SLX4: variants seen among roughly 807,000 people sequenced by gnomAD.
SLX4 encodes the protein SLX4 structure-specific endonuclease subunit, also known as structure-specific endonuclease subunit SLX4.
SLX4 carries 112 observed loss-of-function variants against 146.2 expected under a neutral mutation model. The ratio of observed to expected loss-of-function variants is 0.77; its 90% confidence interval spans 0.66 to 0.90. The LOEUF (loss-of-function observed/expected upper bound fraction) is 0.90. Ranked by LOEUF, SLX4 falls within the 40% of genes least tolerant of loss-of-function variation. The pLI is 0.00. For synonymous variants in SLX4, 1,061 were observed against 997.7 expected (o/e 1.06, Z -1.20); for missense variants, 2,563 against 2,392.7 (o/e 1.07, Z -1.49).
At chr16:3,584,605 C>G (rs1243413883) in intron 13 of SLX4, among the ~76,000 whole-genome samples, 164 bp downstream of exon 13, 1 of 152,184 alleles carries the variant, frequency 6.6e-6, no homozygotes, top group Non-Finnish European at 1.5e-5. Context: ...CACACATGCT[C>G]CCTAAGGAGC....
rs896917989 is a variant in SLX4 at position 3,597,662 on chromosome 16, G to A, written c.1400C>T (p.Ser467Phe). The change falls in exon 7 of 15, where the codon TCC becomes TTC. Residue 467 changes from serine to phenylalanine, a missense_variant. Physicochemically the swap from Ser to Phe is radical, Grantham distance 155. Coordinates refer to ENST00000294008, the MANE Select transcript of SLX4 (RefSeq NM_032444.4). The surrounding 1 kb of genome is among the most constrained non-coding windows in gnomAD (Gnocchi z 4.4). Reference protein sequence around the residue: ...NKSRKKKPPVSPPLLLVQDSE... With the variant: ...NKSRKKKPPVFPPLLLVQDSE... Reference sequence around the variant, plus strand: ...GTCCTGGACTAACAACAATGGGGGGGATACCGGGGGTTTCTTCTTGCGACT... The same window carrying A: ...GTCCTGGACTAACAACAATGGGGGGAATACCGGGGGTTTCTTCTTGCGACT... 3.7e-6 allele frequency: 6 copies of A among 1,613,018 alleles called. No homozygotes were observed. Among genetic ancestry groups the A allele is most frequent in the Admixed American group, 1.7e-5 (1 of 59,984 alleles).
intron 3 of SLX4, among the ~76,000 whole-genome samples, chr16:3,605,505 G>A (rs2040772368): frequency 6.6e-6 from 1 of 152,244 alleles, no homozygotes; most frequent in Admixed American, 6.5e-5. Context: ...TTATAGGCAT[G>A]AGCCATCATG....
rs200717103 is a variant in SLX4, at chr16:3,608,985, C to G, written c.-21G>C. 1.5e-4 allele frequency: 249 copies of G among 1,608,934 alleles called. No individual in the cohort carries two copies. The highest frequency in any genetic ancestry group is 2.8e-5 in the Non-Finnish European group (33 of 1,179,608). On this transcript the variant is annotated 5_prime_UTR_variant, in exon 2 of 15. Coordinates refer to ENST00000294008, the MANE Select transcript of SLX4 (RefSeq NM_032444.4). Reference sequence around the variant, plus strand: ...TTCATTAGGGTTCTTCTCTACTTCTCCATTAGATACTTGGAGAGTTTGCAC... The same window carrying G: ...TTCATTAGGGTTCTTCTCTACTTCTGCATTAGATACTTGGAGAGTTTGCAC...
At chr16:3,610,353 G>A (rs1567179138) in intron 1 of SLX4, among the ~76,000 whole-genome samples, 1 of 152,044 alleles carries the variant, frequency 6.6e-6, no homozygotes, top group African/African-American at 2.4e-5. Context: ...CTCCATCCCC[G>A]TTAATCCCTA....
intron 12 of SLX4, among the ~76,000 whole-genome samples, chr16:3,585,581 G>C (rs2040498853): frequency 1.1e-5 from 1 of 92,010 alleles, no homozygotes; most frequent in African/African-American, 5.6e-5. Context: ...GCAAGACTCT[G>C]TCTCAAAAAA....
chr16:3,583,508 A>G lies in SLX4; in HGVS notation c.4742T>C (p.Phe1581Ser), dbSNP rs769461301. ...GCGTTTAGGCAGAGGGCGGACTCCA[A>G]ACCTGACGGAGGAACAGGTGGATCT... is the stretch of plus-strand genomic sequence containing the variant. ...TPVLKKELDR[F>S]GVRPLPKRQM... Residue 1581 changes from phenylalanine (F) to serine (S), a missense_variant and splice_region_variant, in exon 14 of 15, where the codon TTT (phenylalanine) becomes TCT (serine). Phe to Ser is a radical substitution (Grantham distance 155). Coordinates refer to ENST00000294008, the MANE Select transcript of SLX4 (RefSeq NM_032444.4). 2.5e-6 allele frequency: 4 copies of G among 1,614,018 alleles called. No homozygotes were observed. Among genetic ancestry groups the G allele is most frequent in the Admixed American group, 3.3e-5 (2 of 60,018 alleles).
intron 3 of SLX4, among the ~76,000 whole-genome samples, chr16:3,604,073 T>C (rs530076560): frequency 1.9e-3 from 292 of 151,618 alleles, no homozygotes; most frequent in Non-Finnish European, 3.2e-3. Context: ...CTAGTAAAAA[T>C]ACAAAAAAAT....
intron 13 of SLX4, 65 bp from the exon 14 acceptor site, chr16:3,583,575 A>T: frequency 1.9e-6 from 3 of 1,580,018 alleles, no homozygotes; most frequent in Non-Finnish European, 2.6e-6. Context: ...CACGTTCCCT[A>T]TCTTAGCAAA....
In SLX4 at chr16:3,583,221, G is replaced by T. The variant is rs7196345; in HGVS notation, c.5029C>A (p.Pro1677Thr). The change falls in exon 14 of 15, where the codon CCC becomes ACC. Residue 1677 changes from proline (P) to threonine (T), a missense_variant. Physicochemically the swap from Pro to Thr is conservative, Grantham distance 38 (BLOSUM62 -1). Coordinates refer to ENST00000294008, the MANE Select transcript of SLX4 (RefSeq NM_032444.4). ...TCCTTGGTGGGCGACCTGCTTGGGG[G>T]TGTGATGCTTTCATGATGCTTCCTT... ...HQRKHHESIT[P>T]PSRSPTKEAP... 2 of 1,614,078 alleles carry T rather than the reference G, an allele frequency of 1.2e-6. No homozygotes were observed. The highest frequency in any genetic ancestry group is 1.3e-5 in the African/African-American group (1 of 74,916).
At position 3,583,231 on chromosome 16, in the gene SLX4, T is replaced by A; in HGVS notation, c.5019A>T (p.Glu1673Asp). Residue 1673 changes from glutamate (E) to aspartate (D), a missense_variant, in exon 14 of 15, where the codon GAA (glutamate) becomes GAT (aspartate). Transcript: ENST00000294008. ...KGPRHQRKHHESITPPSRSPT... is the reference protein window; with the variant it reads ...KGPRHQRKHHDSITPPSRSPT... Reference sequence around the variant, plus strand: ...GCGACCTGCTTGGGGGTGTGATGCTTTCATGATGCTTCCTTTGATGTCGGG... The same window carrying A: ...GCGACCTGCTTGGGGGTGTGATGCTATCATGATGCTTCCTTTGATGTCGGG... The A allele has an allele frequency of 6.2e-7, 1 of 1,614,168 alleles. No homozygotes were observed. The highest frequency in any genetic ancestry group is 8.5e-7 in the Non-Finnish European group (1 of 1,180,018).
intron 13 of SLX4, among the ~76,000 whole-genome samples, chr16:3,583,979 A>G (rs1003131839): frequency 7.2e-5 from 11 of 152,312 alleles, no homozygotes; most frequent in African/African-American, 2.4e-4. Context: ...AGCCTGGGCA[A>G]CAGAGTGAGA....
chr16:3,590,352 C>T lies in SLX4; in HGVS notation c.3286G>A (p.Gly1096Arg). The T allele has an allele frequency of 6.2e-7, 1 of 1,614,230 alleles. No individual in the cohort carries two copies. Among genetic ancestry groups the T allele is most frequent in the Non-Finnish European group, 8.5e-7 (1 of 1,180,048 alleles). ...RSILTLSKEP[G>R]HQKGKERRSV... The stretch of plus-strand genomic sequence containing the variant: ...CGACGCTCTTTGCCTTTCTGGTGCC[C>T]TGGCTCTTTAGACAGCGTGAGGATG... The change falls in exon 12 of 15, where the codon GGG becomes AGG. Residue 1096 changes from glycine (G) to arginine (R), a missense_variant. Gly to Arg is a moderately radical substitution (Grantham distance 125). Coordinates refer to ENST00000294008, the MANE Select transcript of SLX4 (RefSeq NM_032444.4). The surrounding 1 kb of genome is among the most constrained non-coding windows in gnomAD (Gnocchi z 4.8).
At chr16:3,602,355 C>CT (rs1461882411) in intron 3 of SLX4, 48 bp from the exon 4 acceptor site, 1 of 1,604,344 alleles carries the variant, frequency 6.2e-7, no homozygotes, top group African/African-American at 1.3e-5. Flanking sequence ...CAAAGACAAG[C>CT]TCACCCTCAG....
rs763914156 is a variant in SLX4, at chr16:3,589,741, CCT to C, written c.3895_3896del (p.Arg1299GlyfsTer35). 9.3e-6 allele frequency: 15 copies of C among 1,613,874 alleles called. No homozygotes were observed. The highest frequency in any genetic ancestry group is 2.2e-5 in the East Asian group (1 of 44,874). On this transcript the variant is annotated frameshift_variant, in exon 12 of 15. Transcript: ENST00000294008. LOFTEE classifies it high-confidence loss of function. This position sits in a 1 kb window ranked among gnomAD's most constrained non-coding sequence, Gnocchi z 6.2. The part of the protein sequence containing the change: ...QHTPRASVGN[R>X]EGNEVAQKFS... Reference sequence around the variant, plus strand: ...ACTTCTGTGCGACTTCGTTCCCTTCCCTGTTTCCTACTGAGGCCCTGGGCGTG... The same window carrying C: ...ACTTCTGTGCGACTTCGTTCCCTTCCGTTTCCTACTGAGGCCCTGGGCGTG...
At position 3,596,363 on chromosome 16, in the gene SLX4, C is replaced by G; in HGVS notation, c.1714G>C (p.Val572Leu). The change falls in exon 8 of 15, where the codon GTG becomes CTG. Residue 572 changes from valine to leucine, a missense_variant. Transcript: ENST00000294008. The stretch of plus-strand genomic sequence containing the variant: ...CTCAGCTCTGAGTGCTCAGGTGGCA[C>G]CAGAGGCGGCACGGGCTCCTGCATA... ...GLMQEPVPPL[V>L]PPEHSELSER... is the part of the protein sequence containing the mutation. The G allele has an allele frequency of 1.9e-6, 3 of 1,597,206 alleles. No homozygotes were observed. The highest frequency in any genetic ancestry group is 1.7e-6 in the Non-Finnish European group (2 of 1,171,280).
rs1213149015 is a variant in SLX4, at chr16:3,583,092, G to T, written c.5153+5C>A. The T allele has an allele frequency of 1.2e-6, 2 of 1,614,208 alleles. No homozygotes were observed. Among genetic ancestry groups the T allele is most frequent in the African/African-American group, 2.7e-5 (2 of 75,052 alleles). On this transcript the variant is annotated splice_donor_5th_base_variant and intron_variant, in intron 14 of 14. Transcript: ENST00000294008. ...CCACTGACCCCATCGCATCCATCCG[G>T]TTACCTCTGTGAGCTCAAGGAGCTG... is the stretch of plus-strand genomic sequence containing the variant.
intron 4 of SLX4, 107 bp downstream of exon 4, chr16:3,602,011 G>C: frequency 7.7e-7 from 1 of 1,300,736 alleles, no homozygotes; most frequent in Non-Finnish European, 1.1e-6. Flanking sequence ...CAACAAAGCT[G>C]AGGTGCTGTT....
rs760071419 is a variant in SLX4, at chr16:3,590,914, C to T, written c.2724G>A (p.Pro908=). Residue 908 remains proline, a synonymous_variant, in exon 12 of 15, where the codon CCG becomes CCA. Coordinates refer to ENST00000294008, the MANE Select transcript of SLX4 (RefSeq NM_032444.4). This position sits in a 1 kb window ranked among gnomAD's most constrained non-coding sequence, Gnocchi z 4.8. Reference sequence around the variant, plus strand: ...CGGCCTCATCTCTTCCTGGCTCCAACGGCTCCATCTCCTCCACCTTGTCCC... The same window carrying T: ...CGGCCTCATCTCTTCCTGGCTCCAATGGCTCCATCTCCTCCACCTTGTCCC... The part of the protein sequence containing the change: ...KQWDKVEEME[P]LEPGRDEAAT... 17 of 1,613,994 alleles carry T rather than the reference C, an allele frequency of 1.1e-5. No individual in the cohort carries two copies. The highest frequency in any genetic ancestry group is 5.5e-5 in the South Asian group (5 of 91,088).
chr16:3,588,218 A>G lies in SLX4; in HGVS notation c.4636+784T>C, dbSNP rs536938482. On this transcript the variant is annotated intron_variant, in intron 12 of 14. Coordinates refer to ENST00000294008, the MANE Select transcript of SLX4 (RefSeq NM_032444.4). ...ACCCCAAAAGGACACCCTGTATCCCATAAGCAGTCACTCCCCATTCCCCCT... is the reference window on the plus strand; with the variant it reads ...ACCCCAAAAGGACACCCTGTATCCCGTAAGCAGTCACTCCCCATTCCCCCT... Among the ~76,000 whole-genome samples the G allele has an allele frequency of 1.3e-4, 20 of 152,366 alleles. 1 individual carries two copies. In the South Asian group the frequency reaches 3.7e-3, roughly 28 times the overall value.
Sources: gnomAD v4.1 joint callset for allele counts (sites outside exome capture counted in the v4.1 genomes callset) on GRCh38, gnomAD v4.1.1 for gene constraint, Gnocchi (gnomAD v3.1) non-coding constraint, MANE v1.5 for transcripts, NCBI Gene and HGNC (gene_info 2026-07-23, HGNC 2026-07-21) for gene names.